The following AHI1 variants were observed in gnomAD, a reference collection of about 807,000 sequenced individuals.
The protein encoded by AHI1 is Abelson helper integration site 1.
Under a neutral mutation model 149.3 loss-of-function variants are expected in AHI1, and 123 were observed. That is an observed-to-expected ratio of 0.82 (90% CI 0.71 to 0.96). The LOEUF (loss-of-function observed/expected upper bound fraction) is 0.96, where lower values mean the gene tolerates loss of function less well. AHI1 is among the 40% of genes least tolerant of loss of function. AHI1 has a pLI of 0.00. For missense variants in AHI1, 1,439 were observed against 1,422.7 expected (o/e 1.01, Z -0.18); for synonymous variants, 475 against 459.8 (o/e 1.03, Z -0.42).
intron 5 of AHI1, among the ~76,000 whole-genome samples, chr6:135,488,804 A>T (rs980243746): frequency 5.3e-5 from 8 of 152,126 alleles, no homozygotes; most frequent in Non-Finnish European, 1.2e-4. Flanking sequence ...TTTCAAGAAG[A>T]AGTCCTATCT....
At chr6:135,427,782 C>A (rs972969495) in intron 19 of AHI1, among the ~76,000 whole-genome samples, 1 of 151,084 alleles carries the variant, frequency 6.6e-6, no homozygotes, top group Non-Finnish European at 1.5e-5. Flanking sequence ...TTGAAAGATA[C>A]CTATGACTAT....
At chr6:135,384,063 A>G (rs1777243591) in intron 23 of AHI1, among the ~76,000 whole-genome samples, 2 of 151,936 alleles carry the variant, frequency 1.3e-5, no homozygotes, top group Admixed American at 1.3e-4. Context: ...AAACCTTTCA[A>G]GTCTTCTACT....
intron 23 of AHI1, among the ~76,000 whole-genome samples, chr6:135,392,025 G>A (rs868642155): frequency 4.1e-4 from 62 of 152,300 alleles, no homozygotes; most frequent in African/African-American, 1.2e-3. Flanking sequence ...AAACCCAAGA[G>A]TTCCATTGGA....
intron 21 of AHI1, among the ~76,000 whole-genome samples, chr6:135,407,836 C>G (rs1781012208): frequency 6.6e-6 from 1 of 151,824 alleles, no homozygotes; most frequent in Non-Finnish European, 1.5e-5. Context: ...CACGGTGAAA[C>G]CCCGTCTCTA....
chr6:135,369,086 C>T (rs1158972198), intron 23 of AHI1, among the ~76,000 whole-genome samples: 1 of 152,204 alleles, frequency 6.6e-6, no homozygotes, highest in African/African-American at 2.4e-5. Context: ...CAAGAGTGCC[C>T]ACAGGGCTCT....
At chr6:135,383,279 G>C (rs962898627) in intron 23 of AHI1, among the ~76,000 whole-genome samples, 1 of 119,862 alleles carries the variant, frequency 8.3e-6, no homozygotes, top group Non-Finnish European at 1.6e-5. Context: ...ACCCAGGCTG[G>C]AATGTAGTGG....
intron 24 of AHI1, among the ~76,000 whole-genome samples, chr6:135,331,543 A>C (rs1788594631): frequency 6.6e-6 from 1 of 152,192 alleles, no homozygotes; most frequent in Admixed American, 6.5e-5. Flanking sequence ...AAATATTATT[A>C]TAGTGGTCTC....
intron 27 of AHI1, among the ~76,000 whole-genome samples, chr6:135,292,311 A>G (rs1377925644): frequency 6.6e-6 from 1 of 152,178 alleles, no homozygotes; most frequent in Non-Finnish European, 1.5e-5. Flanking sequence ...TCTGACCACT[A>G]AAGCCCACTC....
chr6:135,293,768 C>T (rs1014548351), intron 27 of AHI1, among the ~76,000 whole-genome samples: 1 of 152,172 alleles, frequency 6.6e-6, no homozygotes, highest in African/African-American at 2.4e-5. Context: ...ATGTTAATGA[C>T]TCAGATGATT....
intron 5 of AHI1, among the ~76,000 whole-genome samples, chr6:135,478,893 G>A (rs1165359707): frequency 6.6e-6 from 1 of 152,248 alleles, no homozygotes; most frequent in Non-Finnish European, 1.5e-5. Flanking sequence ...CTGTGTCCCA[G>A]CTGCTCTGGC....
chr6:135,290,893 C>T (rs901449915), intron 27 of AHI1, among the ~76,000 whole-genome samples: 1 of 148,372 alleles, frequency 6.7e-6, no homozygotes, highest in Non-Finnish European at 1.5e-5. Context: ...GTTCTATCAA[C>T]TTAGGTGGAA....
chr6:135,478,211 G>C (rs1793027433), intron 5 of AHI1, among the ~76,000 whole-genome samples: 1 of 152,194 alleles, frequency 6.6e-6, no homozygotes, highest in Non-Finnish European at 1.5e-5. Context: ...CTTTGGAACT[G>C]GGTAACAGGC....
At chr6:135,297,348 T>C (rs1384597034) in intron 27 of AHI1, 5 of 444,658 alleles carry the variant, frequency 1.1e-5, no homozygotes, top group South Asian at 3.2e-5. Flanking sequence ...CCTCTCTTCA[T>C]AGCCGTATGC....
intron 28 of AHI1, among the ~76,000 whole-genome samples, chr6:135,289,297 A>G (rs1393997491): frequency 6.6e-6 from 1 of 151,830 alleles, no homozygotes. Flanking sequence ...GGAGTTCAAG[A>G]CCAGCCTGGG....
rs1784057014 is a variant in AHI1 at position 135,427,361 on chromosome 6, A to C, written c.2624-54T>G. On this transcript the variant is annotated intron_variant, in intron 19 of 28. Coordinates refer to ENST00000265602, the MANE Select transcript of AHI1 (RefSeq NM_001134831.2). Reference sequence around the variant, plus strand: ...ATATCAGAGCATATCTGTATCGATAAATCTTCTCACAAGATTATTCTGCCA... The same window carrying C: ...ATATCAGAGCATATCTGTATCGATACATCTTCTCACAAGATTATTCTGCCA... 4 of 1,457,992 alleles carry C rather than the reference A, an allele frequency of 2.7e-6. No homozygotes were observed. In the East Asian group the frequency reaches 7.1e-5, roughly 26 times the overall value. 90.3% of individuals were successfully genotyped at this position (1,457,992 alleles called of 1,614,324 possible).
At chr6:135,319,241 C>T (rs143884571) in intron 25 of AHI1, among the ~76,000 whole-genome samples, 81 of 152,154 alleles carry the variant, frequency 5.3e-4, no homozygotes, top group Admixed American at 1.0e-3. Context: ...TTTGGGAGGC[C>T]GAGGTGGGCA....
chr6:135,463,091 A>C (rs1355609166), intron 8 of AHI1, 34 bp downstream of exon 8: 1 of 1,522,276 alleles, frequency 6.6e-7, no homozygotes, highest in South Asian at 1.3e-5. Context: ...TTCTACCAAC[A>C]TACACAATTT....
chr6:135,399,374 T>A (rs1441388269), intron 22 of AHI1, among the ~76,000 whole-genome samples: 3 of 152,170 alleles, frequency 2.0e-5, no homozygotes, highest in African/African-American at 4.8e-5. Context: ...AATCCATATA[T>A]CTGAATCCTT....
chr6:135,311,714 G>A (rs1018813494), intron 26 of AHI1, among the ~76,000 whole-genome samples: 3 of 152,158 alleles, frequency 2.0e-5, no homozygotes, highest in East Asian at 1.9e-4. Context: ...AGCACTACTC[G>A]TTTTCAAAGC....
Sources: gnomAD v4.1 joint callset for allele counts (sites outside exome capture counted in the v4.1 genomes callset) on GRCh38, gnomAD v4.1.1 for gene constraint, MANE v1.5 for transcripts, NCBI Gene and HGNC (gene_info 2026-07-23, HGNC 2026-07-21) for gene names.